VEGFC: variants seen among roughly 807,000 people sequenced by gnomAD.
VEGFC encodes FLT4 ligand DHM.
VEGFC carries 12 observed loss-of-function variants against 46.1 expected under a neutral mutation model. The observed-to-expected ratio is 0.26, with a 90% CI of 0.17 to 0.42. The LOEUF (loss-of-function observed/expected upper bound fraction) is 0.42, where lower values mean the gene tolerates loss of function less well. Among genes scored for constraint, VEGFC ranks in the 10% least tolerant of loss-of-function variants. The probability of loss-of-function intolerance (pLI) is 1.00; values close to 1 mark genes in which losing one functional copy is unlikely to be tolerated. For missense variants in VEGFC, 488 were observed against 529.4 expected, an observed-to-expected ratio of 0.92 and a Z score of 0.77; for synonymous variants, 232 against 195.5, an observed-to-expected ratio of 1.19 and a Z score of -1.56.
intron 3 of VEGFC, among the ~76,000 whole-genome samples, chr4:176,717,490 T>A (rs1734717307): frequency 6.6e-6 from 1 of 152,150 alleles, no homozygotes; most frequent in Non-Finnish European, 1.5e-5. Context: ...GCAACGGCTA[T>A]AAAGCAACAA....
At chr4:176,753,186 T>C (rs972897831) in intron 1 of VEGFC, among the ~76,000 whole-genome samples, 1 of 152,054 alleles carries the variant, frequency 6.6e-6, no homozygotes, top group African/African-American at 2.4e-5. Flanking sequence ...GCAAATTGTT[T>C]ATTATTGTTT....
At chr4:176,715,350 T>G (rs898529602) in intron 3 of VEGFC, among the ~76,000 whole-genome samples, 2 of 151,994 alleles carry the variant, frequency 1.3e-5, no homozygotes, top group Non-Finnish European at 2.9e-5. Flanking sequence ...GTGAAAAAAT[T>G]TTAAGAGTCC....
chr4:176,709,998 A>G (rs1734595544), intron 4 of VEGFC, among the ~76,000 whole-genome samples: 1 of 151,814 alleles, frequency 6.6e-6, no homozygotes, highest in Non-Finnish European at 1.5e-5. Flanking sequence ...GGGATAGAAG[A>G]AGAAGAAGAA....
intron 1 of VEGFC, among the ~76,000 whole-genome samples, chr4:176,763,986 G>A (rs774218791): frequency 5.3e-5 from 8 of 151,916 alleles, no homozygotes; most frequent in Non-Finnish European, 7.4e-5. Context: ...CCATACTAAC[G>A]GCACAATAAT....
At chr4:176,782,952 G>A (rs929045090) in intron 1 of VEGFC, among the ~76,000 whole-genome samples, 1 of 152,144 alleles carries the variant, frequency 6.6e-6, no homozygotes, top group South Asian at 2.1e-4. Flanking sequence ...TTCAAGAGCT[G>A]GGAAGTGTGT....
chr4:176,754,225 A>C (rs1310178791), intron 1 of VEGFC, among the ~76,000 whole-genome samples: 4 of 151,280 alleles, frequency 2.6e-5, no homozygotes, highest in African/African-American at 7.3e-5. Context: ...CATAGGTCTT[A>C]ACTTGTTTTT....
chr4:176,700,500 A>G (rs915378258), intron 4 of VEGFC, among the ~76,000 whole-genome samples: 4 of 152,086 alleles, frequency 2.6e-5, no homozygotes, highest in African/African-American at 9.7e-5. Context: ...TAAAAAACTC[A>G]CCTAGTCTGA....
intron 4 of VEGFC, among the ~76,000 whole-genome samples, chr4:176,690,410 G>A (rs1734135218): frequency 7.0e-6 from 1 of 143,526 alleles, no homozygotes; most frequent in African/African-American, 2.6e-5. Context: ...TTCACATTTT[G>A]TTACACAGAT....
intron 1 of VEGFC, among the ~76,000 whole-genome samples, chr4:176,779,109 A>G (rs529532347): frequency 5.3e-5 from 8 of 152,322 alleles, no homozygotes; most frequent in African/African-American, 1.9e-4. Context: ...ACTAGCTAAT[A>G]TTACATTAAA....
chr4:176,742,097 C>T (rs1373548281), intron 1 of VEGFC, among the ~76,000 whole-genome samples: 1 of 151,932 alleles, frequency 6.6e-6, no homozygotes, highest in African/African-American at 2.4e-5. Flanking sequence ...TCTTTCCCCC[C>T]ATTTTGGAGT....
chr4:176,755,323 T>C (rs1430549602), intron 1 of VEGFC, among the ~76,000 whole-genome samples: 8 of 151,994 alleles, frequency 5.3e-5, no homozygotes, highest in Admixed American at 5.3e-4. Context: ...AGACAAGTAA[T>C]TATGCTCCCC....
intron 1 of VEGFC, among the ~76,000 whole-genome samples, chr4:176,784,294 T>C (rs1735963917): frequency 6.6e-6 from 1 of 151,884 alleles, no homozygotes; most frequent in Non-Finnish European, 1.5e-5. Flanking sequence ...GGTCTCAAAC[T>C]CCTGGGTTCA....
At chr4:176,725,624 T>C (rs147884772) in intron 3 of VEGFC, among the ~76,000 whole-genome samples, 130 of 152,300 alleles carry the variant, frequency 8.5e-4, no homozygotes, top group African/African-American at 3.0e-3. Flanking sequence ...TTGATTTAAA[T>C]CAAATACCAT....
At chr4:176,738,740 G>T (rs907276708) in intron 1 of VEGFC, among the ~76,000 whole-genome samples, 4 of 151,948 alleles carry the variant, frequency 2.6e-5, no homozygotes, top group African/African-American at 9.7e-5. Context: ...CACAGCAAAA[G>T]AAACTATCAT....
At chr4:176,785,261 A>G (rs985387861) in intron 1 of VEGFC, among the ~76,000 whole-genome samples, 1 of 152,236 alleles carries the variant, frequency 6.6e-6, no homozygotes, top group African/African-American at 2.4e-5. Flanking sequence ...TTTCAACTAT[A>G]GAAGTCAAAC....
chr4:176,720,946 G>A (rs571651286), intron 3 of VEGFC, among the ~76,000 whole-genome samples: 1 of 127,214 alleles, frequency 7.9e-6, no homozygotes, highest in Admixed American at 8.8e-5. Flanking sequence ...TGCTGTGGAA[G>A]CACATAACAG....
intron 4 of VEGFC, among the ~76,000 whole-genome samples, chr4:176,693,918 C>A (rs202064375): frequency 6.6e-6 from 1 of 150,842 alleles, no homozygotes; most frequent in African/African-American, 2.5e-5. Flanking sequence ...ACTTTACAGA[C>A]AAGCAAATGC....
intron 4 of VEGFC, among the ~76,000 whole-genome samples, chr4:176,695,091 C>T (rs1399823080): frequency 7.1e-6 from 1 of 141,502 alleles, no homozygotes; most frequent in African/African-American, 2.7e-5. Context: ...AGAGCAAACA[C>T]ATTCAAAAGC....
chr4:176,777,075 A>C (rs778659528), intron 1 of VEGFC, among the ~76,000 whole-genome samples: 3 of 152,140 alleles, frequency 2.0e-5, no homozygotes, highest in Non-Finnish European at 4.4e-5. Context: ...GCACTTTGGG[A>C]GGCCGAGGTG....
Sources: gnomAD v4.1 joint callset for allele counts (sites outside exome capture counted in the v4.1 genomes callset) on GRCh38, gnomAD v4.1.1 for gene constraint, MANE v1.5 for transcripts, NCBI Gene and HGNC (gene_info 2026-07-23, HGNC 2026-07-21) for gene names.